IDNK: variants seen among roughly 807,000 people sequenced by gnomAD.
IDNK encodes the protein IDNK gluconokinase.
In IDNK, 9 loss-of-function variants were observed where a neutral mutation model predicts 13.0. The ratio of observed to expected loss-of-function variants is 0.69; its 90% CI spans 0.42 to 1.21. The LOEUF is 1.21. Among genes scored for constraint, IDNK ranks in the 50% most tolerant of loss-of-function variants. The pLI is 0.00. For missense variants in IDNK, 210 were observed against 237.8 expected (o/e 0.88, Z 0.77); for synonymous variants, 92 against 94.9 (o/e 0.97, Z 0.18).
intron 3 of IDNK, among the ~76,000 whole-genome samples, chr9:83,629,967 G>C (rs977045260): frequency 1.3e-5 from 2 of 152,238 alleles, no homozygotes; most frequent in African/African-American, 4.8e-5. Context: ...TGGCATAACT[G>C]GCCATAGTTC....
chr9:83,629,011 T>C (rs1830939463), intron 3 of IDNK, 52 bp downstream of exon 3: 2 of 1,456,546 alleles, frequency 1.4e-6, no homozygotes, highest in African/African-American at 1.4e-5. Flanking sequence ...GGTGACAGGA[T>C]GAGCTCGCTA....
chr9:83,627,403 G>A (rs1235913572), intron 1 of IDNK, among the ~76,000 whole-genome samples: 1 of 152,166 alleles, frequency 6.6e-6, no homozygotes, highest in Non-Finnish European at 1.5e-5. Context: ...GCTCAATAAA[G>A]AAATGAAATG....
At chr9:83,623,773 G>A (rs142825231) in intron 1 of IDNK, among the ~76,000 whole-genome samples, 1 of 152,350 alleles carries the variant, frequency 6.6e-6, no homozygotes, top group Non-Finnish European at 1.5e-5. Flanking sequence ...AATATGGAGG[G>A]TGGCTCCTGA....
At chr9:83,640,157 G>T (rs773622615) in intron 3 of IDNK, among the ~76,000 whole-genome samples, 12 of 152,176 alleles carry the variant, frequency 7.9e-5, no homozygotes, top group Admixed American at 3.3e-4. Flanking sequence ...GCTCATTAAA[G>T]AAATTGAATC....
Position 83,628,895 on chromosome 9 carries a change from CTGA to C in IDNK, c.109_111del (p.Asp37del). 6.2e-7 allele frequency: 1 copy of C among 1,613,948 alleles called. No homozygotes were observed. The highest frequency in any genetic ancestry group is 1.3e-5 in the African/African-American group (1 of 75,026). Reference sequence around the variant, plus strand: ...AAGCTGGGATGGAAATTCTATGATGCTGATGATTATCACCCGGAGGAAAATCGA... The same window carrying C: ...AAGCTGGGATGGAAATTCTATGATGCTGATTATCACCCGGAGGAAAATCGA... On this transcript the variant is annotated inframe_deletion, in exon 3 of 5. Coordinates refer to ENST00000376419, the MANE Select transcript of IDNK (RefSeq NM_001001551.4).
At chr9:83,626,716 T>C (rs1439037810) in intron 1 of IDNK, 2 of 1,263,728 alleles carry the variant, frequency 1.6e-6, no homozygotes, top group Admixed American at 2.5e-5. Flanking sequence ...GGGCTCAACC[T>C]AACTTGGTCT....
At chr9:83,630,774 G>C (rs1307778824) in intron 3 of IDNK, among the ~76,000 whole-genome samples, 1 of 152,152 alleles carries the variant, frequency 6.6e-6, no homozygotes, top group African/African-American at 2.4e-5. Flanking sequence ...TTTTAAAATG[G>C]AATTTCTGTA....
chr9:83,637,604 C>T (rs1353604450), intron 3 of IDNK, among the ~76,000 whole-genome samples: 1 of 152,166 alleles, frequency 6.6e-6, no homozygotes, highest in Non-Finnish European at 1.5e-5. Flanking sequence ...CAAAGCAAAA[C>T]GAGAACATCT....
intron 1 of IDNK, chr9:83,627,893 C>A: frequency 4.7e-6 from 2 of 422,752 alleles, no homozygotes; most frequent in Non-Finnish European, 7.0e-6. Context: ...ACAACAGGGA[C>A]CAAAAACTGA....
chr9:83,634,516 T>A (rs886380400), intron 3 of IDNK, among the ~76,000 whole-genome samples: 1 of 152,246 alleles, frequency 6.6e-6, no homozygotes, highest in African/African-American at 2.4e-5. Context: ...GAAAACTTAT[T>A]ACCCAAATAT....
Position 83,628,910 on chromosome 9 carries a change from C to G in IDNK, c.119C>G (p.Pro40Arg). 6.2e-7 allele frequency: 1 copy of G among 1,614,064 alleles called. No individual in the cohort carries two copies. The highest frequency in any genetic ancestry group is 8.5e-7 in the Non-Finnish European group (1 of 1,179,950). The change falls in exon 3 of 5, where the codon CCG becomes CGG. Residue 40 changes from proline (P) to arginine (R), a missense_variant. Pro to Arg is a moderately radical substitution (Grantham distance 103). Transcript: ENST00000376419. Reference sequence around the variant, plus strand: ...TTCTATGATGCTGATGATTATCACCCGGAGGAAAATCGAAGGAAGATGGGA... The same window carrying G: ...TTCTATGATGCTGATGATTATCACCGGGAGGAAAATCGAAGGAAGATGGGA... ...WKFYDADDYH[P>R]EENRRKMGKG...
rs73474402 is a variant in IDNK, at chr9:83,643,437, C to T, written c.221C>T (p.Ala74Val). The change falls in exon 5 of 5, where the codon GCC becomes GTC. Residue 74 changes from alanine (A) to valine (V), a missense_variant. Transcript: ENST00000376419. Reference sequence around the variant, plus strand: ...TTTCTTTTTCTAAACAGAGATGTAGCCTCGGGACAGCGTGTGGTTCTAGCC... The same window carrying T: ...TTTCTTTTTCTAAACAGAGATGTAGTCTCGGGACAGCGTGTGGTTCTAGCC... Reference protein sequence around the residue: ...NLHDILLRDVASGQRVVLACS... With the variant: ...NLHDILLRDVVSGQRVVLACS... 2.4e-4 allele frequency: 388 copies of T among 1,602,744 alleles called. 1 individual carries two copies. The African/African-American group carries it at 4.7e-3, about 19-fold the overall frequency.
chr9:83,641,551 C>G lies in IDNK; in HGVS notation c.172C>G (p.Arg58Gly), dbSNP rs191026618. ...TTTTTGTTTTTGTTTTTTTCAGGAC[C>G]GGATTCCATGGCTCTGTAACTTGCA... The part of the protein sequence containing the change: ...GKGIPLNDQD[R>G]IPWLCNLHDI... The change falls in exon 4 of 5, where the codon CGG (arginine) becomes GGG (glycine). Residue 58 changes from arginine to glycine, a missense_variant. Transcript: ENST00000376419. The G allele has an allele frequency of 1.2e-6, 2 of 1,613,986 alleles. No individual in the cohort carries two copies. Among genetic ancestry groups the G allele is most frequent in the South Asian group, 1.1e-5 (1 of 91,084 alleles).
chr9:83,642,574 AAGC>A (rs919022189), intron 4 of IDNK, among the ~76,000 whole-genome samples: 1 of 151,398 alleles, frequency 6.6e-6, no homozygotes, highest in African/African-American at 2.4e-5. Flanking sequence ...AAAAAAAAAA[AAGC>A]AGGGGAGGCC....
At chr9:83,633,913 G>T (rs960385703) in intron 3 of IDNK, among the ~76,000 whole-genome samples, 1 of 152,198 alleles carries the variant, frequency 6.6e-6, no homozygotes, top group Non-Finnish European at 1.5e-5. Context: ...TAGACAGAGG[G>T]TGAGAATGAC....
intron 3 of IDNK, among the ~76,000 whole-genome samples, chr9:83,637,574 A>G (rs1361853356): frequency 6.6e-6 from 1 of 152,248 alleles, no homozygotes; most frequent in Admixed American, 6.5e-5. Context: ...GATCAAAGGA[A>G]AATAAAAATG....
intron 3 of IDNK, among the ~76,000 whole-genome samples, chr9:83,640,971 T>TA (rs1286537746): frequency 1.3e-5 from 2 of 152,240 alleles, no homozygotes; most frequent in Non-Finnish European, 2.9e-5. Context: ...TCCAATGCAT[T>TA]ATGGCCAATA....
At chr9:83,625,007 G>T (rs367685673) in intron 1 of IDNK, among the ~76,000 whole-genome samples, 2 of 152,122 alleles carry the variant, frequency 1.3e-5, no homozygotes, top group Non-Finnish European at 2.9e-5. Context: ...GAGCCACCGC[G>T]CCCAGCTAAG....
rs149040233 is a variant in IDNK, at chr9:83,626,307, T to G, written c.51-1874T>G. 5.7e-5 allele frequency: 13 copies of G among 228,216 alleles called. No individual in the cohort carries two copies. In the East Asian group the frequency reaches 2.2e-3, roughly 39 times the overall value. The allele number at this position is 228,216 out of a possible 1,614,324, so 14.1% of individuals were successfully genotyped here. On this transcript the variant is annotated intron_variant, in intron 1 of 4. Transcript: ENST00000376419. ...TGGTTTAGACAGACAGTGGTTTTTC[T>G]TTTCCCATCTTCTTCCTGACAGTCT...
Sources: gnomAD v4.1 joint callset for allele counts (sites outside exome capture counted in the v4.1 genomes callset) on GRCh38, gnomAD v4.1.1 for gene constraint, MANE v1.5 for transcripts, NCBI Gene and HGNC (gene_info 2026-07-23, HGNC 2026-07-21) for gene names.